Variants in ZDHHC14 observed in about 807,000 individuals in gnomAD.
ZDHHC14 encodes the protein zDHHC palmitoyltransferase 14.
In ZDHHC14, 16 loss-of-function variants were observed where a neutral mutation model predicts 47.7. That is an observed-to-expected ratio of 0.34 (90% CI 0.23 to 0.51). ZDHHC14 has a LOEUF of 0.51. ZDHHC14 is among the 20% of genes least tolerant of loss of function. The probability of loss-of-function intolerance (pLI) is 0.97; values close to 1 mark genes in which losing one functional copy is unlikely to be tolerated. For synonymous variants in ZDHHC14, 293 were observed against 278.9 expected, an observed-to-expected ratio of 1.05 and a Z score of -0.50; for missense variants, 515 against 662.5, an observed-to-expected ratio of 0.78 and a Z score of 2.44.
chr6:157,409,969 C>T (rs1269582652), intron 1 of ZDHHC14, among the ~76,000 whole-genome samples: 2 of 152,090 alleles, frequency 1.3e-5, no homozygotes, highest in Non-Finnish European at 2.9e-5. Context: ...GCTGGGACTA[C>T]AGGCACATGC....
At position 157,586,841 on chromosome 6, in the gene ZDHHC14, G is replaced by A. The variant is rs141509382; in HGVS notation, c.407-6147G>A. The stretch of plus-strand genomic sequence containing the variant: ...ATTTAGTCAAAGAGTTTTGGGTTTC[G>A]GTTTAATTCTTAAGCTTCAGTTTAC... On this transcript the variant is annotated intron_variant, in intron 2 of 8. Transcript: ENST00000359775. This position sits in a 1 kb window ranked among gnomAD's most constrained non-coding sequence, Gnocchi z 4.6. 2.0e-5 allele frequency among the ~76,000 whole-genome samples: 3 copies of A among 152,188 alleles called. No individual in the cohort carries two copies. The highest frequency in any genetic ancestry group is 2.1e-4 in the South Asian group (1 of 4,820).
At chr6:157,552,041 T>C (rs1782254800) in intron 2 of ZDHHC14, among the ~76,000 whole-genome samples, 1 of 152,154 alleles carries the variant, frequency 6.6e-6, no homozygotes, top group Non-Finnish European at 1.5e-5. Flanking sequence ...CTTTAGAGGA[T>C]TATTTCGACG....
At chr6:157,568,853 C>G (rs1286487142) in intron 2 of ZDHHC14, among the ~76,000 whole-genome samples, 3 of 152,086 alleles carry the variant, frequency 2.0e-5, no homozygotes, top group African/African-American at 7.2e-5. Flanking sequence ...GGGGGCAAAT[C>G]ACAAACTTTA....
chr6:157,549,653 A>G (rs1782141838), intron 2 of ZDHHC14, among the ~76,000 whole-genome samples: 1 of 152,200 alleles, frequency 6.6e-6, no homozygotes, highest in African/African-American at 2.4e-5. Flanking sequence ...CCCTTTAACA[A>G]GAAACCCCAG....
intron 1 of ZDHHC14, among the ~76,000 whole-genome samples, chr6:157,541,357 A>G (rs1163208548): frequency 6.6e-6 from 1 of 152,166 alleles, no homozygotes; most frequent in Non-Finnish European, 1.5e-5. Context: ...CTCAAGTCCC[A>G]GACTCGTGCC....
intron 8 of ZDHHC14, among the ~76,000 whole-genome samples, chr6:157,654,735 T>C (rs1007393066): frequency 1.1e-4 from 15 of 136,780 alleles, no homozygotes; most frequent in African/African-American, 4.7e-4. Context: ...AAGCGTTTTC[T>C]CTCTCTTTTT....
chr6:157,461,475 C>T (rs548840239), intron 1 of ZDHHC14, among the ~76,000 whole-genome samples: 78 of 152,264 alleles, frequency 5.1e-4, no homozygotes, highest in African/African-American at 1.7e-3. Flanking sequence ...ACGCATTGTA[C>T]GTGTACAGTC....
At chr6:157,625,554 T>C (rs1785374167) in intron 3 of ZDHHC14, among the ~76,000 whole-genome samples, 1 of 152,072 alleles carries the variant, frequency 6.6e-6, no homozygotes, top group African/African-American at 2.4e-5. Flanking sequence ...CATCAGATGT[T>C]GGGCAGAGAG....
intron 1 of ZDHHC14, among the ~76,000 whole-genome samples, chr6:157,404,420 C>G (rs1240112046): frequency 2.6e-5 from 4 of 152,120 alleles, no homozygotes; most frequent in African/African-American, 9.7e-5. Context: ...CAGGTGTGAG[C>G]CACTGTTCCC....
intron 1 of ZDHHC14, among the ~76,000 whole-genome samples, chr6:157,385,440 G>A (rs1294871281): frequency 6.6e-6 from 1 of 152,180 alleles, no homozygotes; most frequent in Non-Finnish European, 1.5e-5. Context: ...TTAGAATTGC[G>A]TTTCCCCAGT....
At chr6:157,443,304 T>C (rs1778596300) in intron 1 of ZDHHC14, among the ~76,000 whole-genome samples, 1 of 152,202 alleles carries the variant, frequency 6.6e-6, no homozygotes, top group Admixed American at 6.5e-5. Context: ...CAATTAAACC[T>C]CTTTCCTTTA....
At chr6:157,485,319 A>T (rs546316741) in intron 1 of ZDHHC14, among the ~76,000 whole-genome samples, 12 of 152,164 alleles carry the variant, frequency 7.9e-5, no homozygotes, top group African/African-American at 2.9e-4. Context: ...CACACCCGGG[A>T]TCCACCCCTG....
At chr6:157,637,659 A>T (rs480770) in intron 5 of ZDHHC14, among the ~76,000 whole-genome samples, 85,534 of 152,046 alleles carry the variant, frequency 0.56, 24,762 homozygotes, top group African/African-American at 0.65. Flanking sequence ...TGGAGTCTAG[A>T]GGAACCTCTG....
At chr6:157,633,231 T>C (rs1482277691) in intron 5 of ZDHHC14, among the ~76,000 whole-genome samples, 1 of 152,180 alleles carries the variant, frequency 6.6e-6, no homozygotes, top group Non-Finnish European at 1.5e-5. Flanking sequence ...CATGTAGGGA[T>C]GCCCACGTGT....
rs147500081 is a variant in ZDHHC14 at position 157,561,506 on chromosome 6, C to G, written c.406+18761C>G. ...CAGCAGGTAGAGTGTCCGACGGGCG[C>G]GCATGTGAGACCTGCTGTCCCGGCG... On this transcript the variant is annotated intron_variant, in intron 2 of 8. Coordinates refer to ENST00000359775, the MANE Select transcript of ZDHHC14 (RefSeq NM_024630.3). 4.6e-3 allele frequency among the ~76,000 whole-genome samples: 694 copies of G among 152,256 alleles called. 34 individuals are homozygous for G. The East Asian group carries it at 0.1, about 23-fold the overall frequency.
At chr6:157,413,324 C>T (rs542058743) in intron 1 of ZDHHC14, among the ~76,000 whole-genome samples, 4 of 152,290 alleles carry the variant, frequency 2.6e-5, no homozygotes, top group South Asian at 2.1e-4. Context: ...GCTCATGATA[C>T]GCCACTGAAG....
intron 1 of ZDHHC14, among the ~76,000 whole-genome samples, chr6:157,464,373 C>T (rs1779160015): frequency 1.3e-5 from 2 of 152,162 alleles, no homozygotes; most frequent in Admixed American, 1.3e-4. Flanking sequence ...GCCTTTTCTC[C>T]TCTGACTAAA....
intron 2 of ZDHHC14, among the ~76,000 whole-genome samples, chr6:157,581,380 A>T (rs2114873918): frequency 6.6e-6 from 1 of 152,022 alleles, no homozygotes; most frequent in African/African-American, 2.4e-5. Flanking sequence ...TGGCAATCAG[A>T]AGAATGTATA....
chr6:157,557,372 G>A (rs1782519536), intron 2 of ZDHHC14, among the ~76,000 whole-genome samples: 2 of 152,144 alleles, frequency 1.3e-5, no homozygotes, highest in African/African-American at 4.8e-5. Context: ...GGATTGGTAG[G>A]GGTGCCTGTT....
Sources: gnomAD v4.1 joint callset for allele counts (sites outside exome capture counted in the v4.1 genomes callset) on GRCh38, gnomAD v4.1.1 for gene constraint, Gnocchi (gnomAD v3.1) non-coding constraint, MANE v1.5 for transcripts, NCBI Gene and HGNC (gene_info 2026-07-23, HGNC 2026-07-21) for gene names.